LRRTM4: variants seen among roughly 807,000 people sequenced by gnomAD.
The protein encoded by LRRTM4 is leucine rich repeat transmembrane neuronal 4.
Under a neutral mutation model 47.6 loss-of-function variants are expected in LRRTM4, and 25 were observed. The ratio of observed to expected loss-of-function variants is 0.53; its 90% CI spans 0.38 to 0.73. The LOEUF (loss-of-function observed/expected upper bound fraction) is 0.73, where lower values mean the gene tolerates loss of function less well. LRRTM4 is among the 30% of genes least tolerant of loss of function. The pLI is 0.00. For missense variants in LRRTM4, 638 were observed against 713.4 expected, an observed-to-expected ratio of 0.89 and a Z score of 1.20; for synonymous variants, 311 against 269.5, an observed-to-expected ratio of 1.15 and a Z score of -1.51.
At chr2:77,226,002 G>C (rs560839717) in intron 3 of LRRTM4, among the ~76,000 whole-genome samples, 1 of 151,704 alleles carries the variant, frequency 6.6e-6, no homozygotes, top group Non-Finnish European at 1.5e-5. Flanking sequence ...TAAAAAATGT[G>C]TACATGTTTT....
chr2:76,854,013 A>G (rs1013789606), intron 3 of LRRTM4, among the ~76,000 whole-genome samples: 2 of 152,174 alleles, frequency 1.3e-5, no homozygotes, highest in Non-Finnish European at 2.9e-5. Flanking sequence ...TTAATACTTA[A>G]GAAATCATTT....
chr2:77,226,676 A>G (rs972717806), intron 3 of LRRTM4, among the ~76,000 whole-genome samples: 1 of 151,954 alleles, frequency 6.6e-6, no homozygotes, highest in African/African-American at 2.4e-5. Context: ...GTTGAGCTTA[A>G]TAAGTGAAAC....
At chr2:77,113,070 C>G (rs1226673684) in intron 3 of LRRTM4, among the ~76,000 whole-genome samples, 1 of 152,070 alleles carries the variant, frequency 6.6e-6, no homozygotes, top group Non-Finnish European at 1.5e-5. Flanking sequence ...ATCCCAAGCT[C>G]TCATACACAC....
At chr2:77,168,640 A>G (rs13027822) in intron 3 of LRRTM4, among the ~76,000 whole-genome samples, 2 of 152,306 alleles carry the variant, frequency 1.3e-5, no homozygotes, top group Admixed American at 6.5e-5. Flanking sequence ...TCTATCAAAC[A>G]TAAGAACTTA....
rs74512340 is a variant in LRRTM4, at chr2:76,868,018, T to C, written c.1552-119102A>G. On this transcript the variant is annotated intron_variant, in intron 3 of 3. Transcript: ENST00000409884. ...TGCCAAGTTAACCAAGAAAGCCCTA[T>C]TGAGTCAAGTCAGCTGTGGAGACAT... 1.0e-3 allele frequency among the ~76,000 whole-genome samples: 156 copies of C among 152,300 alleles called. 4 individuals carry two copies. In the East Asian group the frequency reaches 0.029, roughly 28 times the overall value.
At chr2:77,500,977 T>A (rs1678551522) in intron 3 of LRRTM4, among the ~76,000 whole-genome samples, 1 of 151,374 alleles carries the variant, frequency 6.6e-6, no homozygotes, top group African/African-American at 2.4e-5. Context: ...AAGAAAATAT[T>A]CATTCATAAA....
Position 77,111,832 on chromosome 2 carries a change from GA to G in LRRTM4, c.1552-362917del, listed in dbSNP as rs529864985. 1.2e-3 allele frequency among the ~76,000 whole-genome samples: 188 copies of G among 151,090 alleles called. 1 individual carries two copies. Among genetic ancestry groups the G allele is most frequent in the African/African-American group, 3.8e-3 (157 of 41,240 alleles). On this transcript the variant is annotated intron_variant, in intron 3 of 3. Coordinates refer to ENST00000409884, the MANE Select transcript of LRRTM4 (RefSeq NM_001134745.3). ...AAGGTGGACGTTTTTGACTGCAGAAGAAAAAAAAATTGTATGCTAAAGTTGC... is the reference window on the plus strand; with the variant it reads ...AAGGTGGACGTTTTTGACTGCAGAAGAAAAAAAATTGTATGCTAAAGTTGC...
At chr2:77,333,744 C>T (rs914742597) in intron 3 of LRRTM4, among the ~76,000 whole-genome samples, 1 of 152,210 alleles carries the variant, frequency 6.6e-6, no homozygotes, top group South Asian at 2.1e-4. Flanking sequence ...AGCCCCCACA[C>T]AGAGTTCCTA....
chr2:77,079,052 A>C (rs1252857936), intron 3 of LRRTM4, among the ~76,000 whole-genome samples: 1 of 152,164 alleles, frequency 6.6e-6, no homozygotes, highest in African/African-American at 2.4e-5. Flanking sequence ...CTTCCCCCAA[A>C]GCTCCACTTT....
At chr2:76,788,562 A>G (rs1487857452) in intron 3 of LRRTM4, among the ~76,000 whole-genome samples, 3 of 152,194 alleles carry the variant, frequency 2.0e-5, no homozygotes, top group East Asian at 3.8e-4. Flanking sequence ...AGGAAAAATA[A>G]GAGAGATAAT....
intron 3 of LRRTM4, among the ~76,000 whole-genome samples, chr2:77,223,470 A>G (rs1674706049): frequency 6.6e-6 from 1 of 152,200 alleles, no homozygotes; most frequent in East Asian, 1.9e-4. Context: ...CCATTGTCTC[A>G]GCCCAAAATC....
At chr2:77,270,124 C>A (rs865870699) in intron 3 of LRRTM4, among the ~76,000 whole-genome samples, 6 of 152,178 alleles carry the variant, frequency 3.9e-5, no homozygotes, top group Non-Finnish European at 8.8e-5. Context: ...ACATCTACAT[C>A]CCTCTACGGA....
In LRRTM4 at chr2:77,519,080, A is replaced by G. The variant is rs1679364115; in HGVS notation, c.789T>C (p.Asn263=). The G allele has an allele frequency of 6.2e-7, 1 of 1,612,774 alleles. No individual in the cohort carries two copies. The highest frequency in any genetic ancestry group is 8.5e-7 in the Non-Finnish European group (1 of 1,179,452). Residue 263 remains asparagine (N), a synonymous_variant, in exon 3 of 4, where the codon AAT becomes AAC. Coordinates refer to ENST00000409884, the MANE Select transcript of LRRTM4 (RefSeq NM_001134745.3). This position sits in a 1 kb window ranked among gnomAD's most constrained non-coding sequence, Gnocchi z 4.6. ...TGCCCGGCTCAATTCCTTGGATGTC[A>G]TTCCCTGATAAATCCAAGTTGTGTA... ...SSLHNLDLSG[N]DIQGIEPGTF...
intron 3 of LRRTM4, among the ~76,000 whole-genome samples, chr2:77,360,413 C>T (rs977190600): frequency 1.1e-4 from 16 of 151,888 alleles, no homozygotes; most frequent in Non-Finnish European, 2.4e-4. Flanking sequence ...GCCAAGATCA[C>T]GGCCACTGCA....
chr2:77,159,438 G>C (rs560511195), intron 3 of LRRTM4, among the ~76,000 whole-genome samples: 1 of 151,320 alleles, frequency 6.6e-6, no homozygotes, highest in Non-Finnish European at 1.5e-5. Flanking sequence ...GAATTAATGG[G>C]TGCAGCACAC....
intron 3 of LRRTM4, among the ~76,000 whole-genome samples, chr2:77,424,166 G>A (rs373464949): frequency 1.0e-3 from 154 of 152,238 alleles, no homozygotes; most frequent in African/African-American, 3.6e-3. Context: ...CTGGTTTTGT[G>A]TTATTGCTCA....
At chr2:76,961,831 T>C (rs376804351) in intron 3 of LRRTM4, among the ~76,000 whole-genome samples, 1 of 151,338 alleles carries the variant, frequency 6.6e-6, no homozygotes, top group East Asian at 2.0e-4. Context: ...AATAATATAC[T>C]CTAAAATTTT....
At chr2:77,166,080 A>G (rs1672875732) in intron 3 of LRRTM4, among the ~76,000 whole-genome samples, 1 of 151,966 alleles carries the variant, frequency 6.6e-6, no homozygotes, top group Non-Finnish European at 1.5e-5. Flanking sequence ...TTAGCCCAAA[A>G]TCTTAAGCTG....
chr2:76,753,713 C>G (rs1672929145), intron 3 of LRRTM4, among the ~76,000 whole-genome samples: 2 of 151,936 alleles, frequency 1.3e-5, no homozygotes, highest in East Asian at 1.9e-4. Context: ...AAAATTGATT[C>G]AAATCCCATA....
Sources: allele counts gnomAD v4.1 joint callset (sites outside exome capture counted in the v4.1 genomes callset), GRCh38; gene constraint gnomAD v4.1.1; non-coding constraint Gnocchi (gnomAD v3.1); transcripts MANE v1.5; gene names NCBI Gene and HGNC (gene_info 2026-07-23, HGNC 2026-07-21).